Variants in PDE7B observed in about 807,000 individuals in gnomAD.
PDE7B encodes phosphodiesterase 7B.
A neutral mutation model predicts 56.2 loss-of-function variants in PDE7B; 29 were observed. The observed-to-expected ratio is 0.52, with a 90% CI of 0.38 to 0.70. The LOEUF is 0.70. Ranked by LOEUF, PDE7B falls within the 30% of genes least tolerant of loss-of-function variation. The pLI is 0.00. For synonymous variants in PDE7B, 197 were observed against 196.9 expected (o/e 1.00, Z 0.00); for missense variants, 490 against 565.0 (o/e 0.87, Z 1.35).
intron 3 of PDE7B, among the ~76,000 whole-genome samples, chr6:136,138,904 A>T (rs983157509): frequency 6.6e-6 from 1 of 152,174 alleles, no homozygotes; most frequent in Non-Finnish European, 1.5e-5. Context: ...TTTAACCTAC[A>T]AGGCATCATA....
chr6:136,126,999 G>A (rs1217758884), intron 3 of PDE7B, among the ~76,000 whole-genome samples: 1 of 152,066 alleles, frequency 6.6e-6, no homozygotes, highest in East Asian at 1.9e-4. Context: ...TGATCTCCAT[G>A]AATATATACA....
intron 1 of PDE7B, among the ~76,000 whole-genome samples, chr6:135,869,768 A>G (rs565716340): frequency 8.5e-5 from 13 of 152,202 alleles, no homozygotes; most frequent in Non-Finnish European, 1.8e-4. Flanking sequence ...TGAGAAAGAG[A>G]CAGCCAAACC....
At chr6:136,097,250 T>G (rs1020825978) in intron 2 of PDE7B, among the ~76,000 whole-genome samples, 1 of 152,202 alleles carries the variant, frequency 6.6e-6, no homozygotes, top group African/African-American at 2.4e-5. Context: ...AACTGGTTAC[T>G]TGACATTTTT....
At chr6:136,113,656 C>G (rs574170522) in intron 3 of PDE7B, among the ~76,000 whole-genome samples, 23 of 152,196 alleles carry the variant, frequency 1.5e-4, no homozygotes, top group Non-Finnish European at 2.9e-4. Flanking sequence ...AAAGTAACGG[C>G]TGTATTCTCC....
intron 1 of PDE7B, among the ~76,000 whole-genome samples, chr6:135,870,676 G>A (rs1775361692): frequency 6.6e-6 from 1 of 152,000 alleles, no homozygotes; most frequent in African/African-American, 2.4e-5. Context: ...CAGGAAATAA[G>A]AGTTGTGTTT....
intron 2 of PDE7B, among the ~76,000 whole-genome samples, chr6:135,961,597 G>A (rs953864505): frequency 2.6e-5 from 4 of 152,000 alleles, no homozygotes; most frequent in African/African-American, 9.7e-5. Context: ...TTATCCATGA[G>A]CATTAAAGAG....
chr6:135,993,299 A>G (rs1009191184), intron 2 of PDE7B, among the ~76,000 whole-genome samples: 7 of 152,198 alleles, frequency 4.6e-5, no homozygotes, highest in African/African-American at 1.4e-4. Flanking sequence ...CACCTATTTC[A>G]TCTTTCAGAG....
At chr6:135,860,513 C>T (rs1256178183) in intron 1 of PDE7B, among the ~76,000 whole-genome samples, 1 of 151,990 alleles carries the variant, frequency 6.6e-6, no homozygotes, top group Non-Finnish European at 1.5e-5. Flanking sequence ...CAGTAGAGTG[C>T]ATTGATCAAC....
rs115419826 is a variant in PDE7B at position 136,127,266 on chromosome 6, C to T, written c.166+18452C>T. On this transcript the variant is annotated intron_variant, in intron 3 of 12. Coordinates refer to ENST00000308191, the MANE Select transcript of PDE7B (RefSeq NM_018945.4). Reference sequence around the variant, plus strand: ...TAAATTCTGTTCTGGCCATTTCTATCATTTGACAGCCAAGAATGCCCCCCC... The same window carrying T: ...TAAATTCTGTTCTGGCCATTTCTATTATTTGACAGCCAAGAATGCCCCCCC... Among the ~76,000 whole-genome samples the T allele has an allele frequency of 4.2e-3, 641 of 152,260 alleles. 1 individual carries two copies. The highest frequency in any genetic ancestry group is 0.014 in the African/African-American group (595 of 41,564).
rs1280909096 is a variant in PDE7B at position 136,155,747 on chromosome 6, A to G, written c.700A>G (p.Asn234Asp). The change falls in exon 8 of 13, where the codon AAC (asparagine) becomes GAC (aspartate). Residue 234 changes from asparagine to aspartate, a missense_variant. Asn to Asp is a conservative substitution (Grantham distance 23). Coordinates refer to ENST00000308191, the MANE Select transcript of PDE7B (RefSeq NM_018945.4). Reference protein sequence around the residue: ...FLIKTNHHLANLYQNMSVLEN... With the variant: ...FLIKTNHHLADLYQNMSVLEN... ...GATAAAAACTAACCACCATCTTGCA[A>G]ACCTATATCAGGTAAGGGAGCCCAA... The G allele has an allele frequency of 6.2e-7, 1 of 1,614,074 alleles. No individual in the cohort carries two copies. Among genetic ancestry groups the G allele is most frequent in the South Asian group, 1.1e-5 (1 of 91,080 alleles).
chr6:136,100,148 C>T (rs1458973639), intron 2 of PDE7B, among the ~76,000 whole-genome samples: 1 of 152,132 alleles, frequency 6.6e-6, no homozygotes, highest in Non-Finnish European at 1.5e-5. Context: ...TGTTTTAGTA[C>T]CAGTACCATG....
At chr6:136,123,664 G>C (rs1777976146) in intron 3 of PDE7B, among the ~76,000 whole-genome samples, 1 of 152,154 alleles carries the variant, frequency 6.6e-6, no homozygotes, top group Non-Finnish European at 1.5e-5. Context: ...AGCTATTTGA[G>C]GCATAACTTA....
chr6:136,085,491 G>T (rs1036679260), intron 2 of PDE7B, among the ~76,000 whole-genome samples: 1 of 152,206 alleles, frequency 6.6e-6, no homozygotes, highest in Non-Finnish European at 1.5e-5. Flanking sequence ...AAGCCTGGTA[G>T]CCCAGTTTGT....
chr6:135,981,955 G>T (rs369911249), intron 2 of PDE7B, among the ~76,000 whole-genome samples: 2 of 152,056 alleles, frequency 1.3e-5, no homozygotes, highest in Non-Finnish European at 2.9e-5. Flanking sequence ...TAAACAGTGC[G>T]ATGCACTGTG....
intron 2 of PDE7B, among the ~76,000 whole-genome samples, chr6:135,964,325 G>A (rs1206121845): frequency 5.9e-5 from 9 of 151,870 alleles, no homozygotes; most frequent in African/African-American, 1.7e-4. Context: ...GGCTGGTCTC[G>A]AACTCCTGAC....
At chr6:136,123,562 A>G (rs544119439) in intron 3 of PDE7B, among the ~76,000 whole-genome samples, 4 of 152,362 alleles carry the variant, frequency 2.6e-5, no homozygotes, top group African/African-American at 7.2e-5. Flanking sequence ...AGCAAGTTCT[A>G]GTTGGTCAAA....
chr6:135,943,498 C>T (rs2327661), intron 1 of PDE7B, among the ~76,000 whole-genome samples: 97,009 of 152,086 alleles, frequency 0.64, 31,071 homozygotes, highest in Admixed American at 0.68. Flanking sequence ...AGCCAATATT[C>T]GAGAATCTAT....
chr6:136,149,975 T>A (rs367689120), intron 5 of PDE7B, among the ~76,000 whole-genome samples: 98 of 152,340 alleles, frequency 6.4e-4, no homozygotes, highest in African/African-American at 2.3e-3. Flanking sequence ...TAATTTTGCA[T>A]GTCATTTTGT....
intron 8 of PDE7B, among the ~76,000 whole-genome samples, chr6:136,160,910 A>G (rs1685039428): frequency 6.6e-6 from 1 of 152,128 alleles, no homozygotes; most frequent in African/African-American, 2.4e-5. Context: ...ACAAATAAAA[A>G]AGTCTGCTTT....
Sources: allele counts gnomAD v4.1 joint callset (sites outside exome capture counted in the v4.1 genomes callset), GRCh38; gene constraint gnomAD v4.1.1; transcripts MANE v1.5; gene names NCBI Gene and HGNC (gene_info 2026-07-23, HGNC 2026-07-21).